GLIPR2: variants seen among roughly 807,000 people sequenced by gnomAD.
GLIPR2 encodes GLI pathogenesis related 2, also known as Golgi-associated plant pathogenesis-related protein 1.
GLIPR2 carries 21 observed loss-of-function variants against 20.4 expected under a neutral mutation model. The observed-to-expected ratio is 1.03, with a 90% CI of 0.73 to 1.48. GLIPR2 has a LOEUF of 1.48. GLIPR2 is among the 40% of genes most tolerant of loss of function. The pLI, the probability that GLIPR2 is intolerant of heterozygous loss-of-function variation, is 0.00. For synonymous variants in GLIPR2, 91 were observed against 80.5 expected, an observed-to-expected ratio of 1.13 and a Z score of -0.70; for missense variants, 205 against 200.1, an observed-to-expected ratio of 1.02 and a Z score of -0.15.
At chr9:36,137,611 T>C (rs1324415151) in intron 1 of GLIPR2, among the ~76,000 whole-genome samples, 2 of 152,186 alleles carry the variant, frequency 1.3e-5, no homozygotes, top group Admixed American at 1.3e-4. Context: ...ACCTGGTGTT[T>C]TCCTCGCTGC....
intron 3 of GLIPR2, 95 bp from the exon 4 acceptor site, chr9:36,150,777 G>A (rs962764870): frequency 1.9e-5 from 16 of 828,676 alleles, no homozygotes; most frequent in East Asian, 1.5e-4. Context: ...TCTAATTGCC[G>A]CATTGGTGGC....
At chr9:36,160,283 G>T (rs933992290) in intron 4 of GLIPR2, among the ~76,000 whole-genome samples, 1 of 152,134 alleles carries the variant, frequency 6.6e-6, no homozygotes, top group Non-Finnish European at 1.5e-5. Context: ...TCGGCCTCTC[G>T]AAGTGCTGGC....
chr9:36,136,826 C>T lies in GLIPR2; in HGVS notation c.13+35C>T. The T allele has an allele frequency of 2.3e-6, 3 of 1,276,694 alleles. No individual in the cohort carries two copies. The highest frequency in any genetic ancestry group is 6.3e-5 in the East Asian group (2 of 31,690). The allele number at this position is 1,276,694 out of a possible 1,614,324, so 79.1% of individuals were successfully genotyped here. On this transcript the variant is annotated intron_variant, in intron 1 of 4. Transcript: ENST00000377960. This position sits in a 1 kb window ranked among gnomAD's most constrained non-coding sequence, Gnocchi z 4.3. ...CGGGCTCGCCCGCTGCGGAATGGTTCGGAACCCCGCGCTCCCGGACCTCGC... is the reference window on the plus strand; with the variant it reads ...CGGGCTCGCCCGCTGCGGAATGGTTTGGAACCCCGCGCTCCCGGACCTCGC...
chr9:36,161,692 C>T (rs61523758), intron 4 of GLIPR2, among the ~76,000 whole-genome samples: 32,003 of 151,880 alleles, frequency 0.21, 3,454 homozygotes, highest in South Asian at 0.29. Flanking sequence ...CCTCAGGTGT[C>T]AAGTAAGATG....
At position 36,162,474 on chromosome 9, in the gene GLIPR2, T is replaced by C. The variant is rs551044069; in HGVS notation, c.417T>C (p.Val139=). The change falls in exon 5 of 5, where the codon GTT becomes GTC. Residue 139 remains valine (V), a synonymous_variant. Coordinates refer to ENST00000377960, the MANE Select transcript of GLIPR2 (RefSeq NM_022343.4). ...CCAGATACTTCCCAGCGGGGAATGTTGTCAATGAGGGCTTCTTCGAAGAAA... is the reference window on the plus strand; with the variant it reads ...CCAGATACTTCCCAGCGGGGAATGTCGTCAATGAGGGCTTCTTCGAAGAAA... ...VVARYFPAGN[V]VNEGFFEENV... 1.2e-6 allele frequency: 2 copies of C among 1,614,156 alleles called. No homozygotes were observed. The highest frequency in any genetic ancestry group is 1.1e-5 in the South Asian group (1 of 91,078).
intron 1 of GLIPR2, among the ~76,000 whole-genome samples, chr9:36,137,031 A>AG (rs1239629887): frequency 1.3e-5 from 2 of 151,942 alleles, no homozygotes; most frequent in Non-Finnish European, 2.9e-5. Flanking sequence ...CCCGACCCTG[A>AG]GGGGCTGCGC....
chr9:36,160,578 GA>G (rs1003136555), intron 4 of GLIPR2, among the ~76,000 whole-genome samples: 9 of 151,854 alleles, frequency 5.9e-5, no homozygotes, highest in East Asian at 5.8e-4. Flanking sequence ...GAAAACAGAA[GA>G]AAAAAAATGT....
intron 3 of GLIPR2, among the ~76,000 whole-genome samples, chr9:36,149,524 C>G (rs1825489607): frequency 6.6e-6 from 1 of 152,242 alleles, no homozygotes; most frequent in African/African-American, 2.4e-5. Flanking sequence ...CAAGTCCAGG[C>G]TGTGGCCCTC....
intron 4 of GLIPR2, among the ~76,000 whole-genome samples, chr9:36,151,843 C>T (rs140710542): frequency 2.0e-5 from 3 of 152,268 alleles, no homozygotes; most frequent in African/African-American, 7.2e-5. Context: ...GCGTCTGGGG[C>T]CCAGGATGGT....
At chr9:36,140,973 C>T (rs745642398) in intron 1 of GLIPR2, among the ~76,000 whole-genome samples, 3 of 152,088 alleles carry the variant, frequency 2.0e-5, no homozygotes, top group Non-Finnish European at 2.9e-5. Context: ...GGCCATCAAA[C>T]GTCAATGTAA....
intron 1 of GLIPR2, among the ~76,000 whole-genome samples, chr9:36,140,685 T>C (rs1168094253): frequency 1.3e-5 from 2 of 152,094 alleles, no homozygotes; most frequent in African/African-American, 2.4e-5. Context: ...ATTCTTGCCA[T>C]TTGGAAAAGA....
intron 1 of GLIPR2, among the ~76,000 whole-genome samples, chr9:36,138,248 G>A (rs963720998): frequency 3.3e-5 from 5 of 151,248 alleles, no homozygotes; most frequent in Admixed American, 6.6e-5. Context: ...TTTCTGAGAC[G>A]TGGTCTCCTT....
chr9:36,146,878 G>A (rs931383592), intron 1 of GLIPR2, among the ~76,000 whole-genome samples: 6 of 152,278 alleles, frequency 3.9e-5, no homozygotes, highest in East Asian at 1.9e-4. Flanking sequence ...CCAGGCGGGC[G>A]TTACATGCCG....
Position 36,162,483 on chromosome 9 carries a change from G to A in GLIPR2, c.426G>A (p.Glu142=). The A allele has an allele frequency of 6.2e-7, 1 of 1,614,178 alleles. No homozygotes were observed. The highest frequency in any genetic ancestry group is 8.5e-7 in the Non-Finnish European group (1 of 1,180,036). The change falls in exon 5 of 5, where the codon GAG becomes GAA. Residue 142 remains glutamate (E), a synonymous_variant. Transcript: ENST00000377960. Reference sequence around the variant, plus strand: ...TCCCAGCGGGGAATGTTGTCAATGAGGGCTTCTTCGAAGAAAACGTCCTGC... The same window carrying A: ...TCCCAGCGGGGAATGTTGTCAATGAAGGCTTCTTCGAAGAAAACGTCCTGC... ...RYFPAGNVVN[E]GFFEENVLPP...
chr9:36,157,687 C>T (rs961543031), intron 4 of GLIPR2, among the ~76,000 whole-genome samples: 1 of 135,286 alleles, frequency 7.4e-6, no homozygotes, highest in Non-Finnish European at 1.6e-5. Flanking sequence ...CTGTTAAACA[C>T]ACACACACAC....
intron 4 of GLIPR2, among the ~76,000 whole-genome samples, chr9:36,161,647 G>A (rs979791341): frequency 2.0e-5 from 3 of 152,100 alleles, no homozygotes; most frequent in African/African-American, 4.8e-5. Flanking sequence ...AAAAGGGGGA[G>A]GGGTGCCTTG....
At chr9:36,150,996 A>G in intron 4 of GLIPR2, 47 bp downstream of exon 4, 1 of 1,325,252 alleles carries the variant, frequency 7.5e-7, no homozygotes, top group South Asian at 1.2e-5. Context: ...GCAGCAATGC[A>G]GGTTGGGTGT....
chr9:36,157,342 A>AT (rs1172141849), intron 4 of GLIPR2, among the ~76,000 whole-genome samples: 1 of 142,456 alleles, frequency 7.0e-6, no homozygotes, highest in African/African-American at 2.6e-5. Flanking sequence ...TTTTATTTTT[A>AT]TTTTTTTATT....
At chr9:36,149,844 A>G (rs926437047) in intron 3 of GLIPR2, among the ~76,000 whole-genome samples, 1 of 152,196 alleles carries the variant, frequency 6.6e-6, no homozygotes, top group Non-Finnish European at 1.5e-5. Flanking sequence ...AATGACCAAC[A>G]TGGAGAAACC....
Sources: gnomAD v4.1 joint callset for allele counts (sites outside exome capture counted in the v4.1 genomes callset) on GRCh38, gnomAD v4.1.1 for gene constraint, Gnocchi (gnomAD v3.1) non-coding constraint, MANE v1.5 for transcripts, NCBI Gene and HGNC (gene_info 2026-07-23, HGNC 2026-07-21) for gene names.